OSBPL1A: variants seen among roughly 807,000 people sequenced by gnomAD.
OSBPL1A encodes oxysterol binding protein like 1A.
OSBPL1A carries 80 observed loss-of-function variants against 137.1 expected under a neutral mutation model. The observed-to-expected ratio is 0.58, with a 90% CI of 0.49 to 0.70. The LOEUF is 0.70. Ranked by LOEUF, OSBPL1A falls within the 30% of genes least tolerant of loss-of-function variation. The probability of loss-of-function intolerance (pLI) is 0.00; values close to 1 mark genes in which losing one functional copy is unlikely to be tolerated. For missense variants in OSBPL1A, 970 were observed against 1,129.4 expected (o/e 0.86, Z 2.02); for synonymous variants, 365 against 389.7 (o/e 0.94, Z 0.75).
intron 2 of OSBPL1A, among the ~76,000 whole-genome samples, chr18:24,376,597 G>A (rs941531901): frequency 1.3e-5 from 2 of 152,244 alleles, no homozygotes; most frequent in African/African-American, 2.4e-5. Flanking sequence ...CAGCCCTTGG[G>A]TGGTGGATGG....
At chr18:24,241,309 CA>C (rs1393956355) in intron 15 of OSBPL1A, among the ~76,000 whole-genome samples, 1 of 152,058 alleles carries the variant, frequency 6.6e-6, no homozygotes, top group Admixed American at 6.5e-5. Context: ...TTCTGCACAG[CA>C]AAAGAAACTT....
At chr18:24,209,724 A>C (rs2087477645) in intron 17 of OSBPL1A, among the ~76,000 whole-genome samples, 1 of 152,256 alleles carries the variant, frequency 6.6e-6, no homozygotes, top group Admixed American at 6.5e-5. Flanking sequence ...CGATATATAC[A>C]ATAGGAATGG....
At chr18:24,294,044 C>T (rs57042644) in intron 14 of OSBPL1A, among the ~76,000 whole-genome samples, 12,682 of 151,902 alleles carry the variant, frequency 0.083, 1,724 homozygotes, top group African/African-American at 0.29. Flanking sequence ...TGCTTTTCCT[C>T]TCAGATTTTT....
intron 14 of OSBPL1A, among the ~76,000 whole-genome samples, chr18:24,281,634 G>A (rs1599609425): frequency 6.6e-6 from 1 of 151,944 alleles, no homozygotes; most frequent in South Asian, 2.1e-4. Flanking sequence ...CAGGTGATCC[G>A]CCCACCTCGG....
At chr18:24,251,421 A>C (rs1353824609) in intron 15 of OSBPL1A, among the ~76,000 whole-genome samples, 1 of 152,230 alleles carries the variant, frequency 6.6e-6, no homozygotes, top group African/African-American at 2.4e-5. Flanking sequence ...GAGAGACTCT[A>C]TTTGTTTGGG....
intron 1 of OSBPL1A, among the ~76,000 whole-genome samples, chr18:24,381,549 C>A (rs1236158384): frequency 6.6e-6 from 1 of 152,204 alleles, no homozygotes; most frequent in African/African-American, 2.4e-5. Context: ...GCCCTTTCTT[C>A]AGTTTGCTAA....
At chr18:24,299,300 T>G (rs2090354060) in intron 14 of OSBPL1A, among the ~76,000 whole-genome samples, 2 of 152,312 alleles carry the variant, frequency 1.3e-5, no homozygotes, top group South Asian at 4.1e-4. Context: ...ACTTTGTTTT[T>G]TTTCATTGTG....
At chr18:24,382,444 G>T (rs1021076720) in intron 1 of OSBPL1A, among the ~76,000 whole-genome samples, 3 of 151,318 alleles carry the variant, frequency 2.0e-5, no homozygotes, top group Admixed American at 6.6e-5. Flanking sequence ...GGGCATAGTG[G>T]TGTGAGCCTG....
At chr18:24,394,630 G>A (rs1403384448) in intron 1 of OSBPL1A, among the ~76,000 whole-genome samples, 1 of 152,030 alleles carries the variant, frequency 6.6e-6, no homozygotes, top group African/African-American at 2.4e-5. Flanking sequence ...TTAGAAAAAT[G>A]CATTAAAATT....
At chr18:24,238,130 C>T (rs1442437646) in intron 16 of OSBPL1A, among the ~76,000 whole-genome samples, 1 of 152,076 alleles carries the variant, frequency 6.6e-6, no homozygotes, top group African/African-American at 2.4e-5. Flanking sequence ...CTTTAACTTC[C>T]TTAACCTAAT....
intron 15 of OSBPL1A, among the ~76,000 whole-genome samples, chr18:24,275,438 C>T (rs557681478): frequency 6.6e-6 from 1 of 152,202 alleles, no homozygotes; most frequent in South Asian, 2.1e-4. Context: ...GAGGGGACTA[C>T]AGAGACAGAA....
At chr18:24,390,694 CAAAAAAAAAAAAA>C (rs751432894) in intron 1 of OSBPL1A, among the ~76,000 whole-genome samples, 4 of 56,202 alleles carry the variant, frequency 7.1e-5, no homozygotes, top group South Asian at 6.5e-4. Context: ...GACTCCGTCT[CAAAAAAAAAAAAA>C]AAAAAAAAAA....
intron 18 of OSBPL1A, among the ~76,000 whole-genome samples, chr18:24,186,518 G>A (rs1390155910): frequency 6.6e-6 from 1 of 152,074 alleles, no homozygotes; most frequent in Non-Finnish European, 1.5e-5. Flanking sequence ...GGAGTTGGGG[G>A]CATATGGAAT....
At chr18:24,323,152 A>G (rs2090897381) in intron 7 of OSBPL1A, among the ~76,000 whole-genome samples, 1 of 152,190 alleles carries the variant, frequency 6.6e-6, no homozygotes, top group Non-Finnish European at 1.5e-5. Context: ...GAAATCTCAC[A>G]TATTAAAACA....
At chr18:24,382,446 G>A (rs968222312) in intron 1 of OSBPL1A, among the ~76,000 whole-genome samples, 22 of 150,502 alleles carry the variant, frequency 1.5e-4, no homozygotes, top group Admixed American at 2.0e-4. Flanking sequence ...GCATAGTGGT[G>A]TGAGCCTGTA....
chr18:24,173,679 C>T (rs375239807), intron 21 of OSBPL1A, among the ~76,000 whole-genome samples: 4 of 152,260 alleles, frequency 2.6e-5, no homozygotes, highest in African/African-American at 9.6e-5. Flanking sequence ...TCCCAAAGTG[C>T]TGGGATTACA....
chr18:24,396,091 T>C (rs1185073494), intron 1 of OSBPL1A, among the ~76,000 whole-genome samples: 1 of 151,632 alleles, frequency 6.6e-6, no homozygotes, highest in East Asian at 2.0e-4. Context: ...TGGTGGCATG[T>C]GCTTGTAATC....
chr18:24,219,610 T>C (rs762768293), intron 17 of OSBPL1A, among the ~76,000 whole-genome samples: 13 of 152,228 alleles, frequency 8.5e-5, no homozygotes, highest in East Asian at 1.9e-4. Flanking sequence ...CTAGACTAGA[T>C]GAGAACAAGC....
intron 1 of OSBPL1A, among the ~76,000 whole-genome samples, chr18:24,380,432 G>A (rs945900086): frequency 1.3e-5 from 2 of 152,214 alleles, no homozygotes; most frequent in African/African-American, 4.8e-5. Flanking sequence ...TGCATGTCCA[G>A]CTGAGGGTCC....
Sources: allele counts gnomAD v4.1 joint callset (sites outside exome capture counted in the v4.1 genomes callset), GRCh38; gene constraint gnomAD v4.1.1; transcripts MANE v1.5; gene names NCBI Gene and HGNC (gene_info 2026-07-23, HGNC 2026-07-21).